The following MEIKIN variants were observed in gnomAD, a reference collection of about 807,000 sequenced individuals.
MEIKIN encodes meiotic kinetochore factor, also known as meiosis-specific kinetochore protein.
chr5:131,940,254 A>G (rs1217660177), intron 4 of MEIKIN, among the ~76,000 whole-genome samples: 1 of 152,222 alleles, frequency 6.6e-6, no homozygotes, highest in Non-Finnish European at 1.5e-5. Flanking sequence ...GGAGAGGAAG[A>G]AGGAGAGAAA....
chr5:131,875,944 G>T (rs1466351812), intron 9 of MEIKIN, among the ~76,000 whole-genome samples: 3 of 152,186 alleles, frequency 2.0e-5, no homozygotes, highest in African/African-American at 7.2e-5. Context: ...CTAGCCATAT[G>T]TAGAAAGCTG....
chr5:131,844,011 T>G (rs1283649335), intron 11 of MEIKIN, among the ~76,000 whole-genome samples: 3 of 152,100 alleles, frequency 2.0e-5, no homozygotes, highest in Non-Finnish European at 4.4e-5. Flanking sequence ...TGGGGAGGCC[T>G]CAGGAAACAT....
chr5:131,886,193 A>C (rs1266565215), intron 8 of MEIKIN, among the ~76,000 whole-genome samples: 1 of 152,190 alleles, frequency 6.6e-6, no homozygotes, highest in East Asian at 1.9e-4. Context: ...GGCAAATCTT[A>C]AGGGTTGTTG....
chr5:131,844,517 G>C (rs1749975677), intron 11 of MEIKIN, among the ~76,000 whole-genome samples: 1 of 152,134 alleles, frequency 6.6e-6, no homozygotes, highest in African/African-American at 2.4e-5. Context: ...CTGAGTACTA[G>C]GGAAACCAAA....
chr5:131,856,218 G>A (rs184647607), intron 9 of MEIKIN, among the ~76,000 whole-genome samples: 1 of 152,130 alleles, frequency 6.6e-6, no homozygotes, highest in Admixed American at 6.5e-5. Flanking sequence ...CTACCTCTAG[G>A]GACTGTGATG....
chr5:131,873,945 A>G lies in MEIKIN; in HGVS notation c.774+5033T>C, dbSNP rs539560197. Among the ~76,000 whole-genome samples, 3 of 152,344 alleles carry G rather than the reference A, an allele frequency of 2.0e-5. No homozygotes were observed. The South Asian group carries it at 6.2e-4, about 32-fold the overall frequency. Reference sequence around the variant, plus strand: ...GAAATAAAGATGTTCTTTGAAACCAACGACAACAAAGACACAACATACCAG... The same window carrying G: ...GAAATAAAGATGTTCTTTGAAACCAGCGACAACAAAGACACAACATACCAG... On this transcript the variant is annotated intron_variant, in intron 9 of 12. Transcript: ENST00000442687.
Position 131,928,733 on chromosome 5 carries a change from T to C in MEIKIN, c.478+4780A>G, listed in dbSNP as rs184102600. ...CTATTACATTACTATTGTAATAGTA[T>C]ACTATAAATAATTAGTGAGCTTGAG... On this transcript the variant is annotated intron_variant, in intron 5 of 12. Transcript: ENST00000442687. Among the ~76,000 whole-genome samples the C allele has an allele frequency of 5.7e-3, 862 of 152,290 alleles. 30 individuals are homozygous for C. Among genetic ancestry groups the C allele is most frequent in the Middle Eastern group, 3.4e-3 (1 of 294 alleles).
intron 8 of MEIKIN, among the ~76,000 whole-genome samples, chr5:131,911,544 C>T (rs1374963869): frequency 1.3e-5 from 2 of 151,520 alleles, no homozygotes; most frequent in Non-Finnish European, 2.9e-5. Context: ...ATCACTTCCA[C>T]TAGTATATAT....
chr5:131,826,086 C>CTTTTTTT (rs35951729), intron 11 of MEIKIN, among the ~76,000 whole-genome samples: 19 of 124,918 alleles, frequency 1.5e-4, no homozygotes, highest in South Asian at 2.7e-4. Context: ...TTCTTGTTTT[C>CTTTTTTT]TTTTTTTTTT....
chr5:131,907,967 A>G (rs1751270844), intron 8 of MEIKIN, among the ~76,000 whole-genome samples: 1 of 152,194 alleles, frequency 6.6e-6, no homozygotes, highest in Non-Finnish European at 1.5e-5. Context: ...AGAAAATTCC[A>G]GGACCTAGTG....
chr5:131,832,889 C>G (rs1431021210), intron 11 of MEIKIN, among the ~76,000 whole-genome samples: 1 of 152,242 alleles, frequency 6.6e-6, no homozygotes, highest in Non-Finnish European at 1.5e-5. Flanking sequence ...GATCCTGGGC[C>G]TGGCCCAGAA....
At chr5:131,889,787 G>A (rs185186239) in intron 8 of MEIKIN, among the ~76,000 whole-genome samples, 3 of 152,282 alleles carry the variant, frequency 2.0e-5, no homozygotes, top group African/African-American at 7.2e-5. Context: ...TTTGGCTTGT[G>A]CCAGTTTTCA....
At chr5:131,865,481 A>C (rs192531739) in intron 9 of MEIKIN, among the ~76,000 whole-genome samples, 12 of 152,214 alleles carry the variant, frequency 7.9e-5, no homozygotes, top group Non-Finnish European at 1.5e-4. Context: ...GGCCTCCCAA[A>C]GTGCCGGGAT....
At chr5:131,923,643 T>C in intron 5 of MEIKIN, among the ~76,000 whole-genome samples, 1 of 151,924 alleles carries the variant, frequency 6.6e-6, no homozygotes, top group East Asian at 1.9e-4. Context: ...CAGCCTCTTC[T>C]TCATAGCATC....
intron 5 of MEIKIN, among the ~76,000 whole-genome samples, chr5:131,922,438 T>C (rs1003269431): frequency 6.6e-5 from 10 of 152,100 alleles, no homozygotes; most frequent in African/African-American, 2.4e-4. Context: ...TTACATAGCA[T>C]TTACATTGCA....
intron 5 of MEIKIN, among the ~76,000 whole-genome samples, chr5:131,924,578 T>C (rs779375937): frequency 6.6e-6 from 1 of 152,208 alleles, no homozygotes; most frequent in Admixed American, 6.5e-5. Flanking sequence ...TGATTAATGA[T>C]GTTGAGCATT....
At chr5:131,908,443 C>T (rs766680305) in intron 8 of MEIKIN, among the ~76,000 whole-genome samples, 3 of 152,042 alleles carry the variant, frequency 2.0e-5, no homozygotes, top group Non-Finnish European at 4.4e-5. Context: ...ATAATAAAAG[C>T]CAATATATGA....
chr5:131,934,123 T>A (rs544948992), intron 4 of MEIKIN, among the ~76,000 whole-genome samples: 5 of 151,860 alleles, frequency 3.3e-5, no homozygotes, highest in South Asian at 2.1e-4. Flanking sequence ...GCTAATTATT[T>A]TTTTTTTATT....
intron 6 of MEIKIN, 27 bp downstream of exon 6, chr5:131,921,795 A>G: frequency 2.5e-6 from 1 of 398,980 alleles, no homozygotes; most frequent in Admixed American, 4.4e-5. Flanking sequence ...CATAGATGAG[A>G]AATGTTCCCC....
Sources: gnomAD v4.1 joint callset for allele counts (sites outside exome capture counted in the v4.1 genomes callset) on GRCh38, gnomAD v4.1.1 for gene constraint, MANE v1.5 for transcripts, NCBI Gene and HGNC (gene_info 2026-07-23, HGNC 2026-07-21) for gene names.